Variants in SAXO1 observed in about 807,000 individuals in gnomAD.
SAXO1 encodes 4930500O09Rik.
A neutral mutation model predicts 17.5 loss-of-function variants in SAXO1; 21 were observed. The observed-to-expected ratio is 1.20, with a 90% CI of 0.85 to 1.72. The LOEUF is 1.72. Ranked by LOEUF, SAXO1 falls within the 40% of genes most tolerant of loss-of-function variation. SAXO1 has a pLI of 0.00. For synonymous variants in SAXO1, 274 were observed against 216.5 expected (o/e 1.27, Z -2.33); for missense variants, 843 against 596.0 (o/e 1.41, Z -4.32).
chr9:18,979,749 G>A (rs1198911123), intron 1 of SAXO1, among the ~76,000 whole-genome samples: 1 of 152,236 alleles, frequency 6.6e-6, no homozygotes, highest in Non-Finnish European at 1.5e-5. Flanking sequence ...ACAGAGGCAG[G>A]AGGATCACTT....
chr9:18,959,678 G>T (rs1433404580), intron 1 of SAXO1, among the ~76,000 whole-genome samples: 1 of 152,126 alleles, frequency 6.6e-6, no homozygotes, highest in East Asian at 1.9e-4. Context: ...GGCTGAGGCA[G>T]GAGAATCACT....
chr9:18,952,641 A>C (rs761779368), intron 1 of SAXO1, among the ~76,000 whole-genome samples: 1 of 152,242 alleles, frequency 6.6e-6, no homozygotes, highest in African/African-American at 2.4e-5. Flanking sequence ...TTAAGAAGGC[A>C]TGAAATTGCC....
chr9:18,996,218 T>A (rs1052480291), intron 1 of SAXO1, among the ~76,000 whole-genome samples: 1 of 152,190 alleles, frequency 6.6e-6, no homozygotes, highest in Non-Finnish European at 1.5e-5. Context: ...GCTTTATCAA[T>A]CCCCTTTTCT....
At chr9:19,014,444 G>C (rs1022576431) in intron 1 of SAXO1, among the ~76,000 whole-genome samples, 1 of 105,310 alleles carries the variant, frequency 9.5e-6, no homozygotes, top group East Asian at 2.9e-4. Flanking sequence ...CTGGGCAACA[G>C]AGCGAAACTG....
chr9:19,019,304 C>A (rs796759247), intron 1 of SAXO1, among the ~76,000 whole-genome samples: 3 of 152,188 alleles, frequency 2.0e-5, no homozygotes, highest in Non-Finnish European at 4.4e-5. Flanking sequence ...AAAGGCTCTT[C>A]TGTCTTTCCA....
At chr9:18,986,371 G>T (rs1464533074) in intron 1 of SAXO1, among the ~76,000 whole-genome samples, 4 of 152,160 alleles carry the variant, frequency 2.6e-5, no homozygotes, top group Non-Finnish European at 4.4e-5. Context: ...TCCTATTTGA[G>T]TAAAAGTTTT....
intron 3 of SAXO1, among the ~76,000 whole-genome samples, chr9:18,930,251 C>T (rs1488135695): frequency 6.6e-6 from 1 of 152,220 alleles, no homozygotes; most frequent in Non-Finnish European, 1.5e-5. Context: ...AGATGTCCAT[C>T]TCCAGAGGAA....
At chr9:19,012,285 A>G (rs113461922) in intron 1 of SAXO1, among the ~76,000 whole-genome samples, 1,796 of 152,372 alleles carry the variant, frequency 0.012, 25 homozygotes, top group African/African-American at 0.041. Context: ...ACCACTTACC[A>G]TCTGGGGGTT....
chr9:18,997,938 T>C (rs1834079906), intron 1 of SAXO1, among the ~76,000 whole-genome samples: 1 of 151,968 alleles, frequency 6.6e-6, no homozygotes, highest in Admixed American at 6.6e-5. Context: ...AAAAAGGACA[T>C]CCACACCAAA....
intron 1 of SAXO1, among the ~76,000 whole-genome samples, chr9:18,961,178 T>G (rs1250059371): frequency 6.6e-6 from 1 of 151,954 alleles, no homozygotes; most frequent in Non-Finnish European, 1.5e-5. Flanking sequence ...TCTTTTTTTT[T>G]TTTGGAGGTG....
In SAXO1 at chr9:18,928,729, C is replaced by T. The variant is rs1354203320; in HGVS notation, c.748G>A (p.Glu250Lys). The change falls in exon 4 of 4, where the codon GAG (glutamate) becomes AAG (lysine). Residue 250 changes from glutamate (E) to lysine (K), a missense_variant. Coordinates refer to ENST00000380534, the MANE Select transcript of SAXO1 (RefSeq NM_153707.4). Reference sequence around the variant, plus strand: ...AGAGGTTTCAAGCTCTTGGCAGGCTCCCCCATCAGGCCCCGGTAGGATTGT... The same window carrying T: ...AGAGGTTTCAAGCTCTTGGCAGGCTTCCCCATCAGGCCCCGGTAGGATTGT... ...QKQSYRGLMGEPAKSLKPLAR... is the reference protein window; with the variant it reads ...QKQSYRGLMGKPAKSLKPLAR... 1 of 1,614,026 alleles carries T rather than the reference C, an allele frequency of 6.2e-7. No homozygotes were observed. Among genetic ancestry groups the T allele is most frequent in the South Asian group, 1.1e-5 (1 of 91,058 alleles).
intron 1 of SAXO1, among the ~76,000 whole-genome samples, chr9:18,965,216 G>C (rs999813660): frequency 2.6e-5 from 4 of 152,198 alleles, no homozygotes; most frequent in Non-Finnish European, 4.4e-5. Flanking sequence ...GTGGTGCTGA[G>C]AAGAATGTAT....
chr9:18,950,087 C>G (rs1170562062), intron 2 of SAXO1, among the ~76,000 whole-genome samples: 1 of 152,112 alleles, frequency 6.6e-6, no homozygotes, highest in African/African-American at 2.4e-5. Flanking sequence ...TGCTTATAGA[C>G]CAACCCTGAA....
intron 1 of SAXO1, among the ~76,000 whole-genome samples, chr9:19,039,038 A>G (rs930723307): frequency 2.0e-5 from 3 of 152,080 alleles, no homozygotes; most frequent in Admixed American, 2.0e-4. Flanking sequence ...TTATTGCTGT[A>G]TACCATCTGA....
At chr9:18,937,506 T>G (rs896607313) in intron 3 of SAXO1, among the ~76,000 whole-genome samples, 3 of 152,160 alleles carry the variant, frequency 2.0e-5, no homozygotes, top group Admixed American at 6.5e-5. Flanking sequence ...ACCACTTCAA[T>G]TAATAGAATA....
chr9:19,006,186 C>T (rs191602831), intron 1 of SAXO1, among the ~76,000 whole-genome samples: 2 of 152,262 alleles, frequency 1.3e-5, no homozygotes, highest in East Asian at 1.9e-4. Context: ...TGTAAGATGG[C>T]GTAGTCTCTG....
intron 1 of SAXO1, among the ~76,000 whole-genome samples, chr9:18,986,187 A>T (rs1298631150): frequency 1.3e-5 from 2 of 152,230 alleles, no homozygotes; most frequent in Non-Finnish European, 2.9e-5. Context: ...TACAGCTACT[A>T]CTACATATCC....
chr9:18,987,175 T>C (rs773040036), intron 1 of SAXO1, among the ~76,000 whole-genome samples: 3 of 152,196 alleles, frequency 2.0e-5, no homozygotes, highest in Non-Finnish European at 4.4e-5. Flanking sequence ...CTGGAGACAG[T>C]GTCATGATTT....
At chr9:18,987,253 C>T (rs983564343) in intron 1 of SAXO1, among the ~76,000 whole-genome samples, 1 of 152,166 alleles carries the variant, frequency 6.6e-6, no homozygotes, top group Admixed American at 6.5e-5. Context: ...CACCCCTTCA[C>T]CCAGGGAGAG....
Sources: allele counts gnomAD v4.1 joint callset (sites outside exome capture counted in the v4.1 genomes callset), GRCh38; gene constraint gnomAD v4.1.1; transcripts MANE v1.5; gene names NCBI Gene and HGNC (gene_info 2026-07-23, HGNC 2026-07-21).